Variants in TXLNB observed in about 807,000 individuals in gnomAD.
The protein encoded by TXLNB is beta-taxilin.
In TXLNB, 37 loss-of-function variants were observed where a neutral mutation model predicts 57.4. The ratio of observed to expected loss-of-function variants is 0.64; its 90% CI spans 0.50 to 0.85. The LOEUF (loss-of-function observed/expected upper bound fraction) is 0.85, where lower values mean the gene tolerates loss of function less well. Ranked by LOEUF, TXLNB falls within the 40% of genes least tolerant of loss-of-function variation. The pLI, the probability that TXLNB is intolerant of heterozygous loss-of-function variation, is 0.00. For missense variants in TXLNB, 848 were observed against 825.6 expected (o/e 1.03, Z -0.33); for synonymous variants, 302 against 309.6 (o/e 0.98, Z 0.26).
chr6:139,288,937 T>C, intron 1 of TXLNB, 24 bp from the exon 2 acceptor site: 1 of 1,563,190 alleles, frequency 6.4e-7, no homozygotes, highest in South Asian at 1.1e-5. Context: ...CAGTTAGGCT[T>C]TATGTAGCTA....
the TXLNB span, among the ~76,000 whole-genome samples, chr6:139,299,448 CT>C: frequency 6.6e-6 from 1 of 152,210 alleles, no homozygotes; most frequent in Admixed American, 6.5e-5. Context: ...GAAATGTCAA[CT>C]GTTAATAGTC....
chr6:139,175,948 T>C, the TXLNB span, among the ~76,000 whole-genome samples: 1 of 152,174 alleles, frequency 6.6e-6, no homozygotes, highest in African/African-American at 2.4e-5. Flanking sequence ...TTTAAAAAAA[T>C]CAGTGAGGAT....
At chr6:139,279,321 A>G (rs372907959) in intron 2 of TXLNB, among the ~76,000 whole-genome samples, 6 of 152,084 alleles carry the variant, frequency 3.9e-5, no homozygotes, top group African/African-American at 1.4e-4. Context: ...TACTCTTCAC[A>G]CTCACTGAGG....
chr6:139,262,580 T>A lies in TXLNB; in HGVS notation c.881A>T (p.Glu294Val). Residue 294 changes from glutamate (E) to valine (V), a missense_variant and splice_region_variant, in exon 5 of 10, where the codon GAG becomes GTG. Glu to Val is a moderately radical substitution (Grantham distance 121, BLOSUM62 -2). Coordinates refer to ENST00000358430, the MANE Select transcript of TXLNB (RefSeq NM_153235.4). ...SIIDQYELRE[E>V]HLDKIFKHRE... ...TAAGTTGTTTGATGTGGTTCTCACCTCCTCTCTGAGCTCATACTGATCGAT... is the reference window on the plus strand; with the variant it reads ...TAAGTTGTTTGATGTGGTTCTCACCACCTCTCTGAGCTCATACTGATCGAT... 2 of 1,611,956 alleles carry A rather than the reference T, an allele frequency of 1.2e-6. No individual in the cohort carries two copies. The highest frequency in any genetic ancestry group is 1.7e-6 in the Non-Finnish European group (2 of 1,178,972).
chr6:139,171,761 G>A, the TXLNB span, among the ~76,000 whole-genome samples: 5 of 152,080 alleles, frequency 3.3e-5, no homozygotes, highest in African/African-American at 1.2e-4. Context: ...CCAGTAGCTA[G>A]GACTGTAGGC....
At position 139,255,844 on chromosome 6, in the gene TXLNB, A is replaced by G. The variant is rs190455861; in HGVS notation, c.1003-206T>C. ...ATAATCCCAGCACTTTGGGTGGCTGAGCTGGGAGGATTGCTGGAAGCCAGG... is the reference window on the plus strand; with the variant it reads ...ATAATCCCAGCACTTTGGGTGGCTGGGCTGGGAGGATTGCTGGAAGCCAGG... On this transcript the variant is annotated intron_variant, in intron 6 of 9. Transcript: ENST00000358430. 3.1e-3 allele frequency among the ~76,000 whole-genome samples: 477 copies of G among 151,668 alleles called. 2 individuals are homozygous for G. Among genetic ancestry groups the G allele is most frequent in the Middle Eastern group, 6.8e-3 (2 of 292 alleles).
chr6:139,301,264 T>A, the TXLNB span, among the ~76,000 whole-genome samples: 4 of 152,022 alleles, frequency 2.6e-5, no homozygotes, highest in African/African-American at 9.7e-5. Flanking sequence ...GGTTGCAAAA[T>A]CATTAAAAAA....
At chr6:139,221,119 T>C in the TXLNB span, among the ~76,000 whole-genome samples, 1 of 152,182 alleles carries the variant, frequency 6.6e-6, no homozygotes, top group East Asian at 1.9e-4. Context: ...GAAGTAACAT[T>C]GGGACTGGTT....
chr6:139,199,538 G>A, the TXLNB span, among the ~76,000 whole-genome samples: 1 of 152,220 alleles, frequency 6.6e-6, no homozygotes, highest in African/African-American at 2.4e-5. Context: ...CTCTAAAAAG[G>A]AGAAGAACTC....
chr6:139,279,253 T>C (rs1279494891), intron 2 of TXLNB, among the ~76,000 whole-genome samples: 1 of 152,208 alleles, frequency 6.6e-6, no homozygotes, highest in East Asian at 1.9e-4. Context: ...TCCCCTTTGG[T>C]TTTATTTTCT....
At chr6:139,188,750 TTTTC>T in the TXLNB span, among the ~76,000 whole-genome samples, 25 of 150,156 alleles carry the variant, frequency 1.7e-4, no homozygotes, top group Non-Finnish European at 2.9e-4. Context: ...CCAGATTTCT[TTTTC>T]TTTCTTTCTT....
At chr6:139,321,581 CAG>C in the TXLNB span, among the ~76,000 whole-genome samples, 1 of 141,200 alleles carries the variant, frequency 7.1e-6, no homozygotes, top group Admixed American at 7.2e-5. Flanking sequence ...ACTTCATATA[CAG>C]AGACTTCTGA....
chr6:139,242,494 G>C lies in TXLNB; in HGVS notation c.*32C>G, dbSNP rs759497767. ...GCTGTTATGCTGAATATGCAAAGAG[G>C]CAGGAAGAAGCCTCTGAAGGCACGG... On this transcript the variant is annotated 3_prime_UTR_variant, in exon 10 of 10. Coordinates refer to ENST00000358430, the MANE Select transcript of TXLNB (RefSeq NM_153235.4). The C allele has an allele frequency of 6.9e-7, 1 of 1,458,564 alleles. No homozygotes were observed. Among genetic ancestry groups the C allele is most frequent in the East Asian group, 2.5e-5 (1 of 40,286 alleles). 90.4% of individuals were successfully genotyped at this position (1,458,564 alleles called of 1,614,324 possible).
At chr6:139,239,780 A>G (rs1019404421), downstream of TXLNB, 7 of 152,208 alleles carry the variant, frequency 4.6e-5, no homozygotes, top group Non-Finnish European at 1.0e-4. This position sits in a 1 kb window ranked among gnomAD's most constrained non-coding sequence, Gnocchi z 4.7. Context: ...TATAGGCGTC[A>G]GCTACCATGC....
At chr6:139,305,395 G>T in the TXLNB span, among the ~76,000 whole-genome samples, 3 of 152,008 alleles carry the variant, frequency 2.0e-5, no homozygotes, top group Admixed American at 6.6e-5. Flanking sequence ...AGATAGAAAG[G>T]CACCAGAAAA....
chr6:139,210,556 G>A, the TXLNB span, among the ~76,000 whole-genome samples: 1 of 152,238 alleles, frequency 6.6e-6, no homozygotes, highest in Non-Finnish European at 1.5e-5. Flanking sequence ...TAGCGTGAGC[G>A]ACGCAGAAGA....
At chr6:139,211,167 C>T in the TXLNB span, among the ~76,000 whole-genome samples, 129 of 152,312 alleles carry the variant, frequency 8.5e-4, no homozygotes, top group Non-Finnish European at 1.5e-3. Flanking sequence ...GATCTGAGAA[C>T]GGGCAGACTG....
chr6:139,311,614 T>C, the TXLNB span, among the ~76,000 whole-genome samples: 3 of 152,180 alleles, frequency 2.0e-5, no homozygotes, highest in Admixed American at 2.0e-4. Context: ...TTATTGTTGT[T>C]AGTTTCATTT....
the TXLNB span, among the ~76,000 whole-genome samples, chr6:139,205,821 A>C: frequency 6.6e-6 from 1 of 152,216 alleles, no homozygotes; most frequent in Non-Finnish European, 1.5e-5. Context: ...CAGCTATAAG[A>C]AGCTCTCCTG....
Sources: gnomAD v4.1 joint callset for allele counts (sites outside exome capture counted in the v4.1 genomes callset) on GRCh38, gnomAD v4.1.1 for gene constraint, Gnocchi (gnomAD v3.1) non-coding constraint, MANE v1.5 for transcripts, NCBI Gene and HGNC (gene_info 2026-07-23, HGNC 2026-07-21) for gene names.